LAMA2: variants seen among roughly 807,000 people sequenced by gnomAD.
LAMA2 encodes the protein laminin subunit alpha 2.
LAMA2 carries 269 observed loss-of-function variants against 364.8 expected under a neutral mutation model. That is an observed-to-expected ratio of 0.74 (90% CI 0.67 to 0.82). The LOEUF is 0.82. Ranked by LOEUF, LAMA2 falls within the 40% of genes least tolerant of loss-of-function variation. The probability of loss-of-function intolerance (pLI) is 0.00; values close to 1 mark genes in which losing one functional copy is unlikely to be tolerated. For missense variants in LAMA2, 3,807 were observed against 3,873.2 expected (o/e 0.98, Z 0.45); for synonymous variants, 1,379 against 1,370.6 (o/e 1.01, Z -0.14).
intron 12 of LAMA2, among the ~76,000 whole-genome samples, chr6:129,245,552 A>T (rs1785694404): frequency 6.6e-6 from 1 of 152,166 alleles, no homozygotes; most frequent in Non-Finnish European, 1.5e-5. Flanking sequence ...AAGTCCAAAA[A>T]TGTGGAAAAT....
At chr6:129,025,821 A>G (rs1472192608) in intron 1 of LAMA2, among the ~76,000 whole-genome samples, 1 of 152,150 alleles carries the variant, frequency 6.6e-6, no homozygotes, top group Admixed American at 6.6e-5. Context: ...CCACAAGAAA[A>G]TTTATAGTGA....
intron 22 of LAMA2, among the ~76,000 whole-genome samples, chr6:129,310,324 A>G (rs193212507): frequency 6.6e-6 from 1 of 152,364 alleles, no homozygotes; most frequent in Admixed American, 6.5e-5. Context: ...GTTAGCAGGA[A>G]CAGAAACATA....
At chr6:129,086,549 T>C (rs1335248520) in intron 3 of LAMA2, among the ~76,000 whole-genome samples, 4 of 152,216 alleles carry the variant, frequency 2.6e-5, no homozygotes, top group African/African-American at 9.6e-5. Flanking sequence ...AATTCAGATG[T>C]AGAAAATATC....
Position 129,028,888 on chromosome 6 carries a change from C to T in LAMA2, c.113-21030C>T, listed in dbSNP as rs1056285825. ...CTGATCAGTAACTTCTAGTCATAAG[C>T]CGTTCTGGTACCAATCATCAAATTT... is the stretch of plus-strand genomic sequence containing the variant. On this transcript the variant is annotated intron_variant, in intron 1 of 64. Coordinates refer to ENST00000421865, the MANE Select transcript of LAMA2 (RefSeq NM_000426.4). 7.9e-5 allele frequency among the ~76,000 whole-genome samples: 12 copies of T among 151,666 alleles called. No homozygotes were observed. In the South Asian group the frequency reaches 1.0e-3, roughly 13 times the overall value.
At chr6:129,008,918 C>G (rs1366349809) in intron 1 of LAMA2, among the ~76,000 whole-genome samples, 4 of 152,180 alleles carry the variant, frequency 2.6e-5, no homozygotes, top group Non-Finnish European at 5.9e-5. Context: ...AGTGTACTTA[C>G]TGCAGTGTGG....
chr6:129,303,285 A>G (rs1031903292), intron 22 of LAMA2, among the ~76,000 whole-genome samples: 8 of 152,146 alleles, frequency 5.3e-5, no homozygotes, highest in African/African-American at 1.9e-4. Flanking sequence ...TTTATACCTT[A>G]TCCTTCTATA....
At chr6:129,137,884 C>CAA (rs1194124382) in intron 4 of LAMA2, among the ~76,000 whole-genome samples, 1 of 151,620 alleles carries the variant, frequency 6.6e-6, no homozygotes, top group Non-Finnish European at 1.5e-5. Flanking sequence ...GTAGCAGACA[C>CAA]AAGCAAGTAA....
intron 4 of LAMA2, among the ~76,000 whole-genome samples, chr6:129,131,258 T>A (rs561972956): frequency 6.6e-6 from 1 of 152,360 alleles, no homozygotes; most frequent in South Asian, 2.1e-4. Flanking sequence ...TGTTGTGAAA[T>A]GAAGTCCACT....
At chr6:128,910,815 G>T (rs1280506143) in intron 1 of LAMA2, among the ~76,000 whole-genome samples, 1 of 149,642 alleles carries the variant, frequency 6.7e-6, no homozygotes, top group African/African-American at 2.5e-5. Context: ...ATGGGTTCTT[G>T]GTGTGGATGT....
chr6:129,308,113 A>C (rs2114481523), intron 22 of LAMA2, among the ~76,000 whole-genome samples: 1 of 152,352 alleles, frequency 6.6e-6, no homozygotes, highest in Non-Finnish European at 1.5e-5. Context: ...TCAATTAGAC[A>C]TGTGATTAGA....
chr6:129,092,480 C>T (rs1363934603), intron 3 of LAMA2, among the ~76,000 whole-genome samples: 3 of 152,278 alleles, frequency 2.0e-5, no homozygotes, highest in Non-Finnish European at 4.4e-5. Context: ...GAAAAACGCA[C>T]TATTAGAACT....
chr6:128,926,168 A>G (rs1422519895), intron 1 of LAMA2, among the ~76,000 whole-genome samples: 1 of 151,754 alleles, frequency 6.6e-6, no homozygotes, highest in Non-Finnish European at 1.5e-5. Flanking sequence ...TATCACCTAC[A>G]TGGGGAGGTA....
intron 1 of LAMA2, among the ~76,000 whole-genome samples, chr6:128,985,509 CA>C (rs1783170388): frequency 6.6e-6 from 1 of 151,922 alleles, no homozygotes; most frequent in African/African-American, 2.4e-5. Context: ...AAGAACAAAA[CA>C]AAAGAAAAAT....
intron 12 of LAMA2, among the ~76,000 whole-genome samples, chr6:129,218,464 G>A (rs931808702): frequency 9.2e-5 from 14 of 152,096 alleles, no homozygotes; most frequent in Non-Finnish European, 1.9e-4. Context: ...TACATATTTA[G>A]TTGTTAAAAT....
chr6:129,140,070 AG>A (rs1305377310), intron 4 of LAMA2, among the ~76,000 whole-genome samples: 1 of 152,144 alleles, frequency 6.6e-6, no homozygotes, highest in East Asian at 1.9e-4. Context: ...TTAGAATTAT[AG>A]CTCTTCAAGC....
At chr6:129,338,834 G>C (rs1175195113) in intron 29 of LAMA2, among the ~76,000 whole-genome samples, 1 of 152,126 alleles carries the variant, frequency 6.6e-6, no homozygotes. Flanking sequence ...ATTTGCAAAT[G>C]AAAAGTCCCA....
intron 3 of LAMA2, among the ~76,000 whole-genome samples, chr6:129,068,568 C>T (rs986831482): frequency 3.9e-5 from 6 of 152,194 alleles, no homozygotes; most frequent in Non-Finnish European, 8.8e-5. Context: ...GACCTAATTA[C>T]CTCCCCAATC....
At chr6:129,310,120 C>T (rs1318121565) in intron 22 of LAMA2, among the ~76,000 whole-genome samples, 3 of 151,850 alleles carry the variant, frequency 2.0e-5, no homozygotes, top group Non-Finnish European at 4.4e-5. Flanking sequence ...AGGATGGTCT[C>T]GATCTCCTGA....
At chr6:128,937,444 T>A (rs1779894859) in intron 1 of LAMA2, among the ~76,000 whole-genome samples, 1 of 152,102 alleles carries the variant, frequency 6.6e-6, no homozygotes. Flanking sequence ...GAGATTTTTT[T>A]TTCTGATTTA....
Sources: allele counts gnomAD v4.1 joint callset (sites outside exome capture counted in the v4.1 genomes callset), GRCh38; gene constraint gnomAD v4.1.1; transcripts MANE v1.5; gene names NCBI Gene and HGNC (gene_info 2026-07-23, HGNC 2026-07-21).